MKRN2OS: variants seen among roughly 807,000 people sequenced by gnomAD.
The protein encoded by MKRN2OS is MKRN2 opposite strand.
A neutral mutation model predicts 18.2 loss-of-function variants in MKRN2OS; 17 were observed. That is an observed-to-expected ratio of 0.93 (90% CI 0.64 to 1.40). The LOEUF (loss-of-function observed/expected upper bound fraction) is 1.40. Among genes scored for constraint, MKRN2OS ranks in the 40% most tolerant of loss-of-function variants. The probability of loss-of-function intolerance (pLI) is 0.00; values close to 1 mark genes in which losing one functional copy is unlikely to be tolerated. For synonymous variants in MKRN2OS, 121 were observed against 108.5 expected (o/e 1.12, Z -0.72); for missense variants, 337 against 283.0 (o/e 1.19, Z -1.37).
intron 1 of MKRN2OS, chr3:12,554,159 T>C (rs2057949015): frequency 6.6e-6 from 1 of 152,172 alleles, no homozygotes; most frequent in African/African-American, 2.4e-5. Context: ...CGGGAGCTGG[T>C]GGTTAGCAAG....
chr3:12,552,898 C>G (rs2057939856), downstream of MKRN2OS, among the ~76,000 whole-genome samples: 1 of 151,406 alleles, frequency 6.6e-6, no homozygotes, highest in African/African-American at 2.4e-5. Flanking sequence ...TGGAGCATGC[C>G]TGGCGCACAC....
chr3:12,551,582 GAACA>G (rs1476083275), downstream of MKRN2OS, among the ~76,000 whole-genome samples: 9 of 151,658 alleles, frequency 5.9e-5, no homozygotes, highest in South Asian at 1.5e-3. Context: ...GATAAATAAA[GAACA>G]AATAACAGAT....
intron 1 of MKRN2OS, chr3:12,557,295 C>G (rs2057984446): frequency 7.5e-7 from 1 of 1,329,160 alleles, no homozygotes; most frequent in African/African-American, 1.5e-5. Flanking sequence ...AGTTACTCGG[C>G]TGTTCGCGGC....
chr3:12,543,273 G>A, intron 1 of MKRN2OS, 44 bp from the exon 2 acceptor site: 1 of 1,487,516 alleles, frequency 6.7e-7, no homozygotes, highest in Non-Finnish European at 9.0e-7. Context: ...GCATGTATTT[G>A]GCATGAAGAA....
At chr3:12,543,707 G>A (rs570488139) in intron 1 of MKRN2OS, among the ~76,000 whole-genome samples, 54 of 148,478 alleles carry the variant, frequency 3.6e-4, no homozygotes, top group African/African-American at 1.4e-3. Flanking sequence ...AAAACATTGC[G>A]AAACCTCGTC....
chr3:12,546,549 G>A (rs1300391525), upstream of MKRN2OS, among the ~76,000 whole-genome samples: 2 of 148,822 alleles, frequency 1.3e-5, no homozygotes, highest in African/African-American at 5.0e-5. Flanking sequence ...TACATAATGG[G>A]TGTATATATT....
Position 12,543,244 on chromosome 3 carries a change from G to GTT in MKRN2OS, c.219-17_219-16dup. The GTT allele has an allele frequency of 6.6e-7, 1 of 1,522,370 alleles. No individual in the cohort carries two copies. 94.3% of individuals were successfully genotyped at this position (1,522,370 alleles called of 1,614,324 possible). A position where few individuals can be genotyped will look rare whatever the true frequency, so the allele number is the denominator to read the frequency against. ...CATCATACTCTCTGAAAGAAACAAG[G>GTT]TTTGTTTTTTTTTGGTTTGCATGTA... On this transcript the variant is annotated splice_polypyrimidine_tract_variant and intron_variant, in intron 1 of 3. Transcript: ENST00000564146.
At chr3:12,558,656 C>A (rs1282488734) in intron 1 of MKRN2OS, among the ~76,000 whole-genome samples, 1 of 152,214 alleles carries the variant, frequency 6.6e-6, no homozygotes, top group Non-Finnish European at 1.5e-5. Context: ...TTAGTAGAGG[C>A]ACAAGGACCT....
intron 1 of MKRN2OS, chr3:12,557,046 C>T (rs2057978492): frequency 1.6e-6 from 2 of 1,233,162 alleles, no homozygotes; most frequent in East Asian, 3.4e-5. Flanking sequence ...CCGGCGTGCG[C>T]CGGCGTGACG....
intron 1 of MKRN2OS, among the ~76,000 whole-genome samples, chr3:12,560,542 A>G (rs1267047712): frequency 6.6e-6 from 1 of 151,668 alleles, no homozygotes; most frequent in East Asian, 1.9e-4. Flanking sequence ...AGTGATTTGC[A>G]AAAGCGTTTT....
chr3:12,557,050 C>CGTGCGCCGGT, intron 1 of MKRN2OS: 3 of 1,233,424 alleles, frequency 2.4e-6, no homozygotes, highest in Non-Finnish European at 3.1e-6. Context: ...CGTGCGCCGG[C>CGTGCGCCGGT]GTGACGCGGC....
rs574911826 is a variant in MKRN2OS, at chr3:12,556,922, C to G, written n.265-2788G>C. On this transcript the variant is annotated intron_variant and non_coding_transcript_variant, in intron 1 of 1. Coordinates refer to the MKRN2OS transcript ENST00000447550. ...CCGGAGGCTTGGAAGTGCGGGACACCGAGAGCAGGGATGCCGGGACAGCCG... is the reference window on the plus strand; with the variant it reads ...CCGGAGGCTTGGAAGTGCGGGACACGGAGAGCAGGGATGCCGGGACAGCCG... 4.8e-4 allele frequency: 196 copies of G among 411,480 alleles called. 1 individual carries two copies. Among genetic ancestry groups the G allele is most frequent in the Non-Finnish European group, 7.6e-4 (182 of 239,932 alleles). 25.5% of individuals were successfully genotyped at this position (411,480 alleles called of 1,614,324 possible). A position where few individuals can be genotyped will look rare whatever the true frequency, so the allele number is the denominator to read the frequency against.
chr3:12,557,130 C>G (rs1227269294), intron 1 of MKRN2OS: 1 of 1,499,908 alleles, frequency 6.7e-7, no homozygotes, highest in Non-Finnish European at 8.9e-7. Context: ...GGCACGACGA[C>G]GGTCCCTCAG....
intron 1 of MKRN2OS, among the ~76,000 whole-genome samples, chr3:12,559,536 T>C (rs2058018513): frequency 6.6e-6 from 1 of 152,216 alleles, no homozygotes; most frequent in African/African-American, 2.4e-5. Context: ...AGCAGAATAA[T>C]GTCAGTTTTG....
upstream of MKRN2OS, among the ~76,000 whole-genome samples, chr3:12,546,867 C>T (rs1162669760): frequency 6.6e-6 from 1 of 152,058 alleles, no homozygotes; most frequent in Non-Finnish European, 1.5e-5. Flanking sequence ...CGTGAGCCAC[C>T]GCACCCAGCC....
intron 3 of MKRN2OS, 55 bp from the exon 4 acceptor site, chr3:12,540,488 C>A: frequency 6.5e-7 from 1 of 1,532,776 alleles, no homozygotes; most frequent in South Asian, 1.2e-5. Context: ...AACAGGCTGT[C>A]AAGCTACTGA....
chr3:12,540,126 T>C lies in MKRN2OS; in HGVS notation c.*67A>G. 6.6e-7 allele frequency: 1 copy of C among 1,524,902 alleles called. No individual in the cohort carries two copies. Among genetic ancestry groups the C allele is most frequent in the East Asian group, 2.5e-5 (1 of 40,660 alleles). The allele number at this position is 1,524,902 out of a possible 1,614,324, so 94.5% of individuals were successfully genotyped here. A position where few individuals can be genotyped will look rare whatever the true frequency, so the allele number is the denominator to read the frequency against. On this transcript the variant is annotated 3_prime_UTR_variant, in exon 4 of 4. Coordinates refer to ENST00000564146, the MANE Select transcript of MKRN2OS (RefSeq NM_001195279.2). ...AACCACAGTTAAATGCATTTAGAAATCCATAGTACTGATTAAAGGTAGCAA... is the reference window on the plus strand; with the variant it reads ...AACCACAGTTAAATGCATTTAGAAACCCATAGTACTGATTAAAGGTAGCAA...
At position 12,540,272 on chromosome 3, in the gene MKRN2OS, G is replaced by A. The variant is rs747730371; in HGVS notation, c.593C>T (p.Ala198Val). The A allele has an allele frequency of 1.6e-5, 24 of 1,535,978 alleles. No individual in the cohort carries two copies. The highest frequency in any genetic ancestry group is 2.7e-5 in the African/African-American group (2 of 73,038). The change falls in exon 4 of 4, where the codon GCG becomes GTG. Residue 198 changes from alanine to valine, a missense_variant. Transcript: ENST00000564146. ...GACGTAGAAGCCATGCTCCCGTATC[G>A]CCCGGTAGAGTGTGATGAACTTGGA... is the stretch of plus-strand genomic sequence containing the variant. ...LASKFITLYRAIREHGFYVTD... is the reference protein window; with the variant it reads ...LASKFITLYRVIREHGFYVTD...
At chr3:12,560,562 G>C (rs1397516320) in intron 1 of MKRN2OS, among the ~76,000 whole-genome samples, 1 of 151,664 alleles carries the variant, frequency 6.6e-6, no homozygotes, top group Admixed American at 6.6e-5. Context: ...TGCTAAACAG[G>C]CAACATTCAA....
Sources: allele counts gnomAD v4.1 joint callset (sites outside exome capture counted in the v4.1 genomes callset), GRCh38; gene constraint gnomAD v4.1.1; transcripts MANE v1.5; gene names NCBI Gene and HGNC (gene_info 2026-07-23, HGNC 2026-07-21).